TEX55: variants seen among roughly 807,000 people sequenced by gnomAD.
TEX55 encodes the protein testis expressed 55.
TEX55 carries 31 observed loss-of-function variants against 44.6 expected under a neutral mutation model. The ratio of observed to expected loss-of-function variants is 0.69; its 90% CI spans 0.52 to 0.94. The LOEUF is 0.94. TEX55 is among the 40% of genes least tolerant of loss of function. The pLI, the probability that TEX55 is intolerant of heterozygous loss-of-function variation, is 0.00. For missense variants in TEX55, 639 were observed against 638.4 expected, an observed-to-expected ratio of 1.00 and a Z score of -0.01; for synonymous variants, 230 against 230.9, an observed-to-expected ratio of 1.00 and a Z score of 0.04.
At position 119,146,372 on chromosome 3, in the gene TEX55, C is replaced by T; in HGVS notation, c.183C>T (p.Ser61=). 6.2e-7 allele frequency: 1 copy of T among 1,614,166 alleles called. No individual in the cohort carries two copies. ...IADQTALRVP[S]QAESSIFSQA... ...ACCAGACTGCCCTAAGAGTGCCTAG[C>T]CAGGCTGAATCCAGCATATTTAGCC... Residue 61 remains serine (S), a synonymous_variant, in exon 1 of 3, where the codon AGC becomes AGT. Transcript: ENST00000295622.
Position 119,147,153 on chromosome 3 carries a change from G to T in TEX55, c.964G>T (p.Ala322Ser), listed in dbSNP as rs781644665. Residue 322 changes from alanine to serine, a missense_variant, in exon 1 of 3, where the codon GCT becomes TCT. Physicochemically the swap from Ala to Ser is moderately conservative, Grantham distance 99. Coordinates refer to ENST00000295622, the MANE Select transcript of TEX55 (RefSeq NM_152539.3). ...GQATELAEHQ[A>S]IDQAHSNADQ... Reference sequence around the variant, plus strand: ...AGCCACTGAACTAGCTGAACACCAGGCTATTGACCAAGCTCATAGTAATGC... The same window carrying T: ...AGCCACTGAACTAGCTGAACACCAGTCTATTGACCAAGCTCATAGTAATGC... The T allele has an allele frequency of 6.2e-7, 1 of 1,614,034 alleles. No individual in the cohort carries two copies. Among genetic ancestry groups the T allele is most frequent in the Non-Finnish European group, 8.5e-7 (1 of 1,180,044 alleles).
rs749217476 is a variant in TEX55 at position 119,147,511 on chromosome 3, CA to C, written c.1324del (p.Arg442AspfsTer9). On this transcript the variant is annotated frameshift_variant, in exon 1 of 3. Coordinates refer to ENST00000295622, the MANE Select transcript of TEX55 (RefSeq NM_152539.3). LOFTEE classifies it high-confidence loss of function. Reference sequence around the variant, plus strand: ...CAAGCAAAAGACCAAGCTCTTTTCCCAAGACTCCCCTCCATCTCATCCAAAT... The same window carrying C: ...CAAGCAAAAGACCAAGCTCTTTTCCCAGACTCCCCTCCATCTCATCCAAAT... ...NFQAKDQALF[P>X]RLPSISSKLN... 13 of 1,614,090 alleles carry C rather than the reference CA, an allele frequency of 8.1e-6. No individual in the cohort carries two copies. In the African/African-American group the frequency reaches 1.7e-4, roughly 22 times the overall value.
chr3:119,146,730 A>C lies in TEX55; in HGVS notation c.541A>C (p.Arg181=). 6.2e-7 allele frequency: 1 copy of C among 1,614,176 alleles called. No homozygotes were observed. The highest frequency in any genetic ancestry group is 2.2e-5 in the East Asian group (1 of 44,878). ...GAGAGGTTCCAGACAGACCGACCAC[A>C]GAATGGCAGGCCAGTCTGAGAGAAG... ...DQRGSRQTDH[R]MAGQSERRAS... is the part of the protein sequence containing the mutation. Residue 181 remains arginine, a synonymous_variant, in exon 1 of 3, where the codon AGA becomes CGA. Coordinates refer to ENST00000295622, the MANE Select transcript of TEX55 (RefSeq NM_152539.3).
In TEX55 at chr3:119,148,329, C is replaced by G; in HGVS notation, c.1542+6C>G. ...ACATTCTGCAAATATTCCAGGTAAA[C>G]CTCTCAATTCCTCTCTTTAATTATA... On this transcript the variant is annotated splice_donor_region_variant and intron_variant, in intron 2 of 2. Coordinates refer to ENST00000295622, the MANE Select transcript of TEX55 (RefSeq NM_152539.3). 6 of 1,605,138 alleles carry G rather than the reference C, an allele frequency of 3.7e-6. No homozygotes were observed. The highest frequency in any genetic ancestry group is 5.1e-6 in the Non-Finnish European group (6 of 1,177,250).
Position 119,151,322 on chromosome 3 carries a change from C to G in TEX55, c.*30C>G. ...GGAGAAAAAGAACAACCTTTTTATT[C>G]TCTTTATTGTAAAATACAGCACACA... On this transcript the variant is annotated 3_prime_UTR_variant, in exon 3 of 3. Coordinates refer to ENST00000295622, the MANE Select transcript of TEX55 (RefSeq NM_152539.3). The G allele has an allele frequency of 6.3e-7, 1 of 1,592,992 alleles. No individual in the cohort carries two copies. Among genetic ancestry groups the G allele is most frequent in the South Asian group, 1.1e-5 (1 of 90,378 alleles).
intron 2 of TEX55, among the ~76,000 whole-genome samples, chr3:119,151,015 C>T (rs1267819498): frequency 6.6e-6 from 1 of 152,114 alleles, no homozygotes; most frequent in Non-Finnish European, 1.5e-5. Context: ...AGGAGGATTC[C>T]TTGAGCCCAG....
At position 119,147,177 on chromosome 3, in the gene TEX55, G is replaced by A. The variant is rs748113161; in HGVS notation, c.988G>A (p.Ala330Thr). The A allele has an allele frequency of 1.2e-6, 2 of 1,614,144 alleles. No homozygotes were observed. Among genetic ancestry groups the A allele is most frequent in the South Asian group, 1.1e-5 (1 of 91,074 alleles). Reference protein sequence around the residue: ...HQAIDQAHSNADQPPVDNAHY... With the variant: ...HQAIDQAHSNTDQPPVDNAHY... ...GGCTATTGACCAAGCTCATAGTAAT[G>A]CTGATCAACCTCCAGTTGACAATGC... Residue 330 changes from alanine to threonine, a missense_variant, in exon 1 of 3, where the codon GCT becomes ACT. Physicochemically the swap from Ala to Thr is moderately conservative, Grantham distance 58. Coordinates refer to ENST00000295622, the MANE Select transcript of TEX55 (RefSeq NM_152539.3).
Position 119,146,390 on chromosome 3 carries a change from AT to A in TEX55, c.204del (p.Phe68LeufsTer8). On this transcript the variant is annotated frameshift_variant, in exon 1 of 3. Transcript: ENST00000295622. LOFTEE classifies it high-confidence loss of function. Reference sequence around the variant, plus strand: ...TGCCTAGCCAGGCTGAATCCAGCATATTTAGCCAAGCTACCAACGGAGTAGC... The same window carrying A: ...TGCCTAGCCAGGCTGAATCCAGCATATTAGCCAAGCTACCAACGGAGTAGC... Reference protein sequence around the residue: ...RVPSQAESSIFSQATNGVAEQ... With the variant: ...RVPSQAESSIXSQATNGVAEQ... 6.2e-7 allele frequency: 1 copy of A among 1,614,218 alleles called. No individual in the cohort carries two copies. The highest frequency in any genetic ancestry group is 1.7e-5 in the Admixed American group (1 of 60,032).
At chr3:119,147,636 A>T in intron 1 of TEX55, 49 bp downstream of exon 1, 1 of 1,511,370 alleles carries the variant, frequency 6.6e-7, no homozygotes, top group Non-Finnish European at 9.0e-7. Flanking sequence ...AGAGATCTAG[A>T]CGGGGCCTGG....
Position 119,146,442 on chromosome 3 carries a change from G to A in TEX55, c.253G>A (p.Gly85Ser), listed in dbSNP as rs2077726145. The change falls in exon 1 of 3, where the codon GGT becomes AGT. Residue 85 changes from glycine (G) to serine (S), a missense_variant. Gly to Ser is a moderately conservative substitution (Grantham distance 56). Transcript: ENST00000295622. ...VAEQNGHSTP[G>S]QAGRRASNPA... ...TGAACAAAATGGGCATAGTACACCT[G>A]GTCAGGCTGGCCGCAGAGCATCCAA... 1 of 1,614,146 alleles carries A rather than the reference G, an allele frequency of 6.2e-7. No individual in the cohort carries two copies. Among genetic ancestry groups the A allele is most frequent in the Admixed American group, 1.7e-5 (1 of 60,028 alleles).
Position 119,147,463 on chromosome 3 carries a change from A to C in TEX55, c.1274A>C (p.Asp425Ala). 1 of 1,614,152 alleles carries C rather than the reference A, an allele frequency of 6.2e-7. No homozygotes were observed. Among genetic ancestry groups the C allele is most frequent in the African/African-American group, 1.3e-5 (1 of 75,044 alleles). The change falls in exon 1 of 3, where the codon GAT becomes GCT. Residue 425 changes from aspartate to alanine, a missense_variant. Transcript: ENST00000295622. ...ATTIPPYNPVDARFTSNFQAK... is the reference protein window; with the variant it reads ...ATTIPPYNPVAARFTSNFQAK... The stretch of plus-strand genomic sequence containing the variant: ...ACTATCCCACCCTACAACCCAGTTG[A>C]TGCCAGATTCACCAGTAACTTCCAA...
intron 2 of TEX55, among the ~76,000 whole-genome samples, chr3:119,148,595 T>G (rs1211474516): frequency 6.6e-5 from 10 of 152,072 alleles, no homozygotes; most frequent in African/African-American, 2.4e-4. Flanking sequence ...TATTATCAAT[T>G]GAAAAGAAGA....
At position 119,147,324 on chromosome 3, in the gene TEX55, A is replaced by G. The variant is rs2077737613; in HGVS notation, c.1135A>G (p.Asn379Asp). ...AGACAGAATATTTCCCCAGTTAGGC[A>G]ACAGCAAAGAGGACAAAGAGGCTGA... ...SEDRIFPQLG[N>D]SKEDKEADYR... Residue 379 changes from asparagine to aspartate, a missense_variant, in exon 1 of 3, where the codon AAC (asparagine) becomes GAC (aspartate). By Grantham distance (23) the Asn-to-Asp change is conservative (BLOSUM62 1). Transcript: ENST00000295622. 1.9e-6 allele frequency: 3 copies of G among 1,614,106 alleles called. No individual in the cohort carries two copies. Among genetic ancestry groups the G allele is most frequent in the Non-Finnish European group, 2.5e-6 (3 of 1,180,052 alleles).
Position 119,151,453 on chromosome 3 carries a change from A to G in TEX55, c.*161A>G. On this transcript the variant is annotated 3_prime_UTR_variant, in exon 3 of 3. Coordinates refer to ENST00000295622, the MANE Select transcript of TEX55 (RefSeq NM_152539.3). ...TTTAAAAAATAAATAAAACATAACCAGCATCCCAGAAGCCCCCTTCCTTTC... is the reference window on the plus strand; with the variant it reads ...TTTAAAAAATAAATAAAACATAACCGGCATCCCAGAAGCCCCCTTCCTTTC... 4.0e-6 allele frequency: 2 copies of G among 501,014 alleles called. No homozygotes were observed. Among genetic ancestry groups the G allele is most frequent in the Non-Finnish European group, 6.9e-6 (2 of 290,680 alleles). The allele number at this position is 501,014 out of a possible 1,614,324, so 31.0% of individuals were successfully genotyped here.
At chr3:119,148,913 A>C (rs990919332) in intron 2 of TEX55, among the ~76,000 whole-genome samples, 1 of 152,214 alleles carries the variant, frequency 6.6e-6, no homozygotes, top group Non-Finnish European at 1.5e-5. Flanking sequence ...TATGAGAGAT[A>C]AAAATGGTAC....
intron 2 of TEX55, among the ~76,000 whole-genome samples, chr3:119,149,263 T>C (rs2077759358): frequency 6.6e-6 from 1 of 152,196 alleles, no homozygotes; most frequent in South Asian, 2.1e-4. Flanking sequence ...ATTTTTAAAT[T>C]TTTTTTACTT....
chr3:119,147,296 T>C lies in TEX55; in HGVS notation c.1107T>C (p.Ser369=). The C allele has an allele frequency of 1.2e-6, 2 of 1,614,198 alleles. No homozygotes were observed. Among genetic ancestry groups the C allele is most frequent in the Non-Finnish European group, 1.7e-6 (2 of 1,180,038 alleles). ...CTTACTATGAAACACGTGGCCAGTC[T>C]GAAGACAGAATATTTCCCCAGTTAG... The part of the protein sequence containing the change: ...QLSYYETRGQ[S]EDRIFPQLGN... Residue 369 remains serine, a synonymous_variant, in exon 1 of 3, where the codon TCT becomes TCC. Coordinates refer to ENST00000295622, the MANE Select transcript of TEX55 (RefSeq NM_152539.3).
chr3:119,147,306 A>C lies in TEX55; in HGVS notation c.1117A>C (p.Ile373Leu). Residue 373 changes from isoleucine to leucine, a missense_variant, in exon 1 of 3, where the codon ATA becomes CTA. Transcript: ENST00000295622. The stretch of plus-strand genomic sequence containing the variant: ...AACACGTGGCCAGTCTGAAGACAGA[A>C]TATTTCCCCAGTTAGGCAACAGCAA... ...YETRGQSEDR[I>L]FPQLGNSKED... 1 of 1,614,242 alleles carries C rather than the reference A, an allele frequency of 6.2e-7. No individual in the cohort carries two copies. Among genetic ancestry groups the C allele is most frequent in the Non-Finnish European group, 8.5e-7 (1 of 1,180,050 alleles).
At position 119,151,350 on chromosome 3, in the gene TEX55, C is replaced by T; in HGVS notation, c.*58C>T. Reference sequence around the variant, plus strand: ...TTTATTGTAAAATACAGCACACATACAGCAAAGTGTATAGAACAAAGTACG... The same window carrying T: ...TTTATTGTAAAATACAGCACACATATAGCAAAGTGTATAGAACAAAGTACG... On this transcript the variant is annotated 3_prime_UTR_variant, in exon 3 of 3. Coordinates refer to ENST00000295622, the MANE Select transcript of TEX55 (RefSeq NM_152539.3). 1 of 1,422,680 alleles carries T rather than the reference C, an allele frequency of 7.0e-7. No homozygotes were observed. The highest frequency in any genetic ancestry group is 1.2e-5 in the South Asian group (1 of 85,986). 88.1% of individuals were successfully genotyped at this position (1,422,680 alleles called of 1,614,324 possible).
Sources: gnomAD v4.1 joint callset for allele counts (sites outside exome capture counted in the v4.1 genomes callset) on GRCh38, gnomAD v4.1.1 for gene constraint, MANE v1.5 for transcripts, NCBI Gene and HGNC (gene_info 2026-07-23, HGNC 2026-07-21) for gene names.